Variants in EREG observed in about 807,000 individuals in gnomAD.
The protein encoded by EREG is proepiregulin.
In EREG, 23 loss-of-function variants were observed where a neutral mutation model predicts 22.4. That is an observed-to-expected ratio of 1.03 (90% CI 0.74 to 1.46). The LOEUF (loss-of-function observed/expected upper bound fraction) is 1.46. Among genes scored for constraint, EREG ranks in the 40% most tolerant of loss-of-function variants. The pLI is 0.00. For missense variants in EREG, 226 were observed against 205.9 expected, an observed-to-expected ratio of 1.10 and a Z score of -0.60; for synonymous variants, 100 against 75.4, an observed-to-expected ratio of 1.33 and a Z score of -1.69.
chr4:74,384,953 G>T lies in EREG; in HGVS notation c.*145G>T. 6.0e-6 allele frequency: 3 copies of T among 498,402 alleles called. No homozygotes were observed. Among genetic ancestry groups the T allele is most frequent in the South Asian group, 4.6e-5 (1 of 21,750 alleles). 30.9% of individuals were successfully genotyped at this position (498,402 alleles called of 1,614,324 possible). A position where few individuals can be genotyped will look rare whatever the true frequency, so the allele number is the denominator to read the frequency against. ...GTACTTGAAAAATGTTTTTATTTTT[G>T]TTTTATTTTTGACAGACTATTTGCT... is the stretch of plus-strand genomic sequence containing the variant. On this transcript the variant is annotated 3_prime_UTR_variant, in exon 5 of 5. Coordinates refer to ENST00000244869, the MANE Select transcript of EREG (RefSeq NM_001432.3).
At position 74,377,849 on chromosome 4, in the gene EREG, A is replaced by T. The variant is rs913500063; in HGVS notation, c.68-1599A>T. Among the ~76,000 whole-genome samples, 4 of 152,100 alleles carry T rather than the reference A, an allele frequency of 2.6e-5. No homozygotes were observed. In the South Asian group the frequency reaches 8.3e-4, roughly 32 times the overall value. The stretch of plus-strand genomic sequence containing the variant: ...GAACAGCATGCAGGAAACTACCCGC[A>T]TTGATTCAATCACCTCCCTCCTTGG... On this transcript the variant is annotated intron_variant, in intron 1 of 4. Coordinates refer to ENST00000244869, the MANE Select transcript of EREG (RefSeq NM_001432.3).
chr4:74,375,062 C>T (rs939756583), intron 1 of EREG, among the ~76,000 whole-genome samples: 3 of 146,834 alleles, frequency 2.0e-5, no homozygotes, highest in Admixed American at 6.8e-5. Context: ...ACAAGAAATG[C>T]CACCAGATCT....
intron 1 of EREG, among the ~76,000 whole-genome samples, chr4:74,379,220 C>T (rs1040608477): frequency 6.6e-6 from 1 of 152,194 alleles, no homozygotes; most frequent in African/African-American, 2.4e-5. Context: ...CAGGTCAAAT[C>T]TGTAACCGTG....
At chr4:74,369,237 C>A (rs72859327) in intron 1 of EREG, among the ~76,000 whole-genome samples, 11,470 of 151,888 alleles carry the variant, frequency 0.076, 763 homozygotes, top group African/African-American at 0.18. Flanking sequence ...GATTTTAGTG[C>A]GCCTATCACC....
At chr4:74,369,197 G>C (rs566373834) in intron 1 of EREG, among the ~76,000 whole-genome samples, 1 of 151,984 alleles carries the variant, frequency 6.6e-6, no homozygotes, top group African/African-American at 2.4e-5. Flanking sequence ...TTTTTGTTAC[G>C]TGGGTGAATT....
chr4:74,377,174 A>C (rs973061484), intron 1 of EREG, among the ~76,000 whole-genome samples: 2 of 151,788 alleles, frequency 1.3e-5, no homozygotes, highest in Admixed American at 6.6e-5. Context: ...AAAAAAAAAA[A>C]ACATTAGTTT....
At chr4:74,382,945 T>G in intron 4 of EREG, 151 bp downstream of exon 4, 1 of 590,330 alleles carries the variant, frequency 1.7e-6, no homozygotes, top group Non-Finnish European at 2.9e-6. Context: ...CTATTAAGTA[T>G]TATGCCCAAC....
chr4:74,370,209 C>T (rs531531210), intron 1 of EREG, among the ~76,000 whole-genome samples: 3 of 152,308 alleles, frequency 2.0e-5, no homozygotes, highest in Admixed American at 6.5e-5. Flanking sequence ...GCACCTTTCC[C>T]ATTCCTTTTG....
chr4:74,372,675 T>C (rs114650693), intron 1 of EREG, among the ~76,000 whole-genome samples: 19 of 152,190 alleles, frequency 1.2e-4, no homozygotes, highest in Admixed American at 3.3e-4. Flanking sequence ...GAGAAAAAAA[T>C]ATGTTTCCAA....
rs77665945 is a variant in EREG, at chr4:74,376,707, T to G, written c.68-2741T>G. ...AGTGGGGAGGGGATAATTCTGAACT[T>G]TAAAGACAACAGAATTTTCAAATTG... is the stretch of plus-strand genomic sequence containing the variant. On this transcript the variant is annotated intron_variant, in intron 1 of 4. Coordinates refer to ENST00000244869, the MANE Select transcript of EREG (RefSeq NM_001432.3). 6.7e-3 allele frequency among the ~76,000 whole-genome samples: 1,024 copies of G among 152,276 alleles called. 16 individuals are homozygous for G. The highest frequency in any genetic ancestry group is 0.023 in the African/African-American group (953 of 41,542).
chr4:74,365,414 G>A, intron 1 of EREG, 39 bp downstream of exon 1: 1 of 1,598,286 alleles, frequency 6.3e-7, no homozygotes, highest in East Asian at 2.2e-5. Flanking sequence ...GCCCCAAAGA[G>A]GAGACAAATA....
At chr4:74,368,291 T>A (rs531165618) in intron 1 of EREG, among the ~76,000 whole-genome samples, 1 of 152,362 alleles carries the variant, frequency 6.6e-6, no homozygotes, top group East Asian at 1.9e-4. Context: ...TTTTACTTAA[T>A]GTTCATAATT....
chr4:74,365,257 GC>G lies in EREG; in HGVS notation c.-51del. 1 of 1,462,582 alleles carries G rather than the reference GC, an allele frequency of 6.8e-7. No individual in the cohort carries two copies. The highest frequency in any genetic ancestry group is 9.4e-7 in the Non-Finnish European group (1 of 1,059,582). 90.6% of individuals were successfully genotyped at this position (1,462,582 alleles called of 1,614,324 possible). ...GCCCGTCTGCTCCCGCCCTGCCCGT[GC>G]ACTCTCCGCAGCCGCCCTCCGCCAA... is the stretch of plus-strand genomic sequence containing the variant. On this transcript the variant is annotated 5_prime_UTR_variant, in exon 1 of 5. Transcript: ENST00000244869.
intron 1 of EREG, among the ~76,000 whole-genome samples, chr4:74,369,864 T>C (rs985315265): frequency 6.6e-6 from 1 of 152,090 alleles, no homozygotes; most frequent in East Asian, 1.9e-4. Flanking sequence ...CAGGTAATTG[T>C]ATGTAGATTT....
chr4:74,384,648 C>T lies in EREG; in HGVS notation c.429-79C>T, dbSNP rs562270930. The T allele has an allele frequency of 2.8e-4, 212 of 747,430 alleles. 3 individuals are homozygous for T. The East Asian group carries it at 4.3e-3, about 15-fold the overall frequency. 46.3% of individuals were successfully genotyped at this position (747,430 alleles called of 1,614,324 possible). A position where few individuals can be genotyped will look rare whatever the true frequency, so the allele number is the denominator to read the frequency against. ...TTTTGGAAACACTATGCTAATGTGC[C>T]TTTGGAGTCCATATATAACACACTT... is the stretch of plus-strand genomic sequence containing the variant. On this transcript the variant is annotated intron_variant, in intron 4 of 4. Coordinates refer to ENST00000244869, the MANE Select transcript of EREG (RefSeq NM_001432.3).
At chr4:74,365,449 T>C in intron 1 of EREG, 74 bp downstream of exon 1, 2 of 1,379,568 alleles carry the variant, frequency 1.4e-6, no homozygotes, top group Non-Finnish European at 2.0e-6. Context: ...GCATTTGTCA[T>C]TCGACAAGTA....
In EREG at chr4:74,388,591, T is replaced by C. The variant is rs779911499; in HGVS notation, c.*3783T>C. 3 of 152,636 alleles carry C rather than the reference T, an allele frequency of 2.0e-5. No individual in the cohort carries two copies. Among genetic ancestry groups the C allele is most frequent in the South Asian group, 2.1e-4 (1 of 4,832 alleles). 9.5% of individuals were successfully genotyped at this position (152,636 alleles called of 1,614,324 possible). The stretch of plus-strand genomic sequence containing the variant: ...TTATCGGATTACTGAATTGTATCAA[T>C]TTGTTTGTGTTCAATATCAGCTTTG... On this transcript the variant is annotated 3_prime_UTR_variant, in exon 5 of 5. Coordinates refer to ENST00000244869, the MANE Select transcript of EREG (RefSeq NM_001432.3).
intron 1 of EREG, among the ~76,000 whole-genome samples, chr4:74,367,776 C>CAG (rs1752211253): frequency 6.6e-6 from 1 of 152,122 alleles, no homozygotes; most frequent in African/African-American, 2.4e-5. Flanking sequence ...CAGGCCTTTC[C>CAG]TGTCTGGATT....
At chr4:74,375,779 T>A (rs1752371511) in intron 1 of EREG, among the ~76,000 whole-genome samples, 1 of 152,320 alleles carries the variant, frequency 6.6e-6, no homozygotes, top group South Asian at 2.1e-4. Context: ...AGAACCACTA[T>A]TTTAAAGCAA....
Sources: gnomAD v4.1 joint callset for allele counts (sites outside exome capture counted in the v4.1 genomes callset) on GRCh38, gnomAD v4.1.1 for gene constraint, MANE v1.5 for transcripts, NCBI Gene and HGNC (gene_info 2026-07-23, HGNC 2026-07-21) for gene names.